Variants in CTNNA3 observed in about 807,000 individuals in gnomAD.
The protein encoded by CTNNA3 is catenin alpha-3.
In CTNNA3, 76 loss-of-function variants were observed where a neutral mutation model predicts 95.7. The observed-to-expected ratio is 0.79, with a 90% CI of 0.66 to 0.96. CTNNA3 has a LOEUF of 0.96. Ranked by LOEUF, CTNNA3 falls within the 40% of genes least tolerant of loss-of-function variation. The probability of loss-of-function intolerance (pLI) is 0.00; values close to 1 mark genes in which losing one functional copy is unlikely to be tolerated. For synonymous variants in CTNNA3, 431 were observed against 374.4 expected (o/e 1.15, Z -1.74); for missense variants, 1,191 against 1,089.8 (o/e 1.09, Z -1.31).
intron 7 of CTNNA3, among the ~76,000 whole-genome samples, chr10:67,146,406 G>A (rs1284796280): frequency 2.0e-5 from 3 of 152,104 alleles, no homozygotes; most frequent in Non-Finnish European, 4.4e-5. Flanking sequence ...TCAAATATGA[G>A]CATACTCGTA....
intron 5 of CTNNA3, among the ~76,000 whole-genome samples, chr10:67,509,348 C>T (rs1161132159): frequency 6.6e-6 from 1 of 152,072 alleles, no homozygotes; most frequent in Admixed American, 6.5e-5. Context: ...CCCAGCCCTC[C>T]ACCCACCGAC....
intron 7 of CTNNA3, among the ~76,000 whole-genome samples, chr10:67,159,009 C>T (rs956067877): frequency 7.2e-5 from 11 of 152,278 alleles, no homozygotes; most frequent in African/African-American, 2.6e-4. Context: ...CAAAGACAGG[C>T]AGCCCAGAGC....
intron 13 of CTNNA3, among the ~76,000 whole-genome samples, chr10:66,228,754 G>A (rs1007486556): frequency 2.6e-5 from 4 of 152,074 alleles, no homozygotes; most frequent in Non-Finnish European, 4.4e-5. Context: ...TGAAGTCCCC[G>A]ACTATTTGTA....
rs917387750 is a variant in CTNNA3, at chr10:65,917,802, T to G, written c.*2528A>C. 3 of 72,588 alleles carry G rather than the reference T, an allele frequency of 4.1e-5. No individual in the cohort carries two copies. The highest frequency in any genetic ancestry group is 1.0e-4 in the Non-Finnish European group (3 of 29,836). The allele number at this position is 72,588 out of a possible 1,614,324, so 4.5% of individuals were successfully genotyped here. On this transcript the variant is annotated 3_prime_UTR_variant, in exon 18 of 18. Coordinates refer to ENST00000433211, the MANE Select transcript of CTNNA3 (RefSeq NM_013266.4). ...AATATAAATGTGTCATGCTGATTAG[T>G]TTTTAACATAATGGGGAGATTTATT...
At chr10:66,029,766 T>C (rs1181667533) in intron 15 of CTNNA3, among the ~76,000 whole-genome samples, 1 of 152,202 alleles carries the variant, frequency 6.6e-6, no homozygotes, top group Non-Finnish European at 1.5e-5. Flanking sequence ...CAGTGCCTGA[T>C]ACATAGAAGG....
intron 7 of CTNNA3, among the ~76,000 whole-genome samples, chr10:66,868,119 G>T (rs1384601789): frequency 6.6e-6 from 1 of 150,558 alleles, no homozygotes; most frequent in South Asian, 2.1e-4. Flanking sequence ...CACTTTGGGA[G>T]GCTGAGACAG....
At chr10:66,895,340 T>C (rs963411669) in intron 7 of CTNNA3, among the ~76,000 whole-genome samples, 6 of 152,232 alleles carry the variant, frequency 3.9e-5, no homozygotes, top group Admixed American at 6.5e-5. Context: ...CCGTCAAACA[T>C]TGGGTATCAA....
intron 10 of CTNNA3, among the ~76,000 whole-genome samples, chr10:66,605,148 A>G (rs543436177): frequency 6.6e-6 from 1 of 152,174 alleles, no homozygotes; most frequent in South Asian, 2.1e-4. Flanking sequence ...ACACTACAAG[A>G]ATTTCATAAT....
At chr10:66,595,451 C>A (rs978408695) in intron 10 of CTNNA3, among the ~76,000 whole-genome samples, 3 of 151,990 alleles carry the variant, frequency 2.0e-5, no homozygotes, top group East Asian at 3.9e-4. Flanking sequence ...TCCAGCAATT[C>A]TCCTGCCTCA....
At chr10:67,360,252 T>C (rs1165206409) in intron 5 of CTNNA3, among the ~76,000 whole-genome samples, 1 of 151,930 alleles carries the variant, frequency 6.6e-6, no homozygotes, top group Non-Finnish European at 1.5e-5. Flanking sequence ...CATAAAAACA[T>C]ATGTAAGTAC....
At chr10:67,372,759 C>T (rs915616289) in intron 5 of CTNNA3, among the ~76,000 whole-genome samples, 9 of 152,194 alleles carry the variant, frequency 5.9e-5, no homozygotes, top group Non-Finnish European at 1.3e-4. Context: ...GGAAGCCCAT[C>T]AGACTAACAG....
intron 1 of CTNNA3, among the ~76,000 whole-genome samples, chr10:67,749,788 CA>C (rs1419314086): frequency 2.0e-5 from 3 of 151,960 alleles, no homozygotes; most frequent in African/African-American, 7.3e-5. Context: ...CAAAGGCTAG[CA>C]AAAGACAAGA....
At chr10:66,240,089 A>C (rs2090039151) in intron 13 of CTNNA3, among the ~76,000 whole-genome samples, 1 of 151,874 alleles carries the variant, frequency 6.6e-6, no homozygotes, top group African/African-American at 2.4e-5. Flanking sequence ...TGTAACTTAT[A>C]TTTTTGTATT....
chr10:66,899,531 C>A (rs900877073), intron 7 of CTNNA3, among the ~76,000 whole-genome samples: 1 of 152,116 alleles, frequency 6.6e-6, no homozygotes, highest in Admixed American at 6.5e-5. Context: ...GGAGGGTGAG[C>A]CAAAGTAGGG....
chr10:67,240,698 G>A (rs978674172), intron 5 of CTNNA3, among the ~76,000 whole-genome samples: 6 of 152,108 alleles, frequency 3.9e-5, no homozygotes, highest in Non-Finnish European at 5.9e-5. Context: ...CCCAAGGTGT[G>A]CATTCTGGGC....
intron 10 of CTNNA3, among the ~76,000 whole-genome samples, chr10:66,566,151 T>C (rs1237870139): frequency 6.6e-6 from 1 of 152,148 alleles, no homozygotes; most frequent in Non-Finnish European, 1.5e-5. Context: ...GACTGGTAAC[T>C]AAGAGTAGAG....
intron 7 of CTNNA3, among the ~76,000 whole-genome samples, chr10:66,840,214 GA>G (rs1843002855): frequency 6.6e-6 from 1 of 151,964 alleles, no homozygotes; most frequent in African/African-American, 2.4e-5. Context: ...GAATTAGATG[GA>G]ATATTTTTTC....
chr10:66,764,489 A>G (rs941742080), intron 9 of CTNNA3, among the ~76,000 whole-genome samples: 1 of 152,240 alleles, frequency 6.6e-6, no homozygotes, highest in Non-Finnish European at 1.5e-5. Context: ...AGCTATAGAT[A>G]GTACTTATTT....
chr10:67,358,393 A>T (rs1211454336), intron 5 of CTNNA3, among the ~76,000 whole-genome samples: 1 of 152,142 alleles, frequency 6.6e-6, no homozygotes, highest in Non-Finnish European at 1.5e-5. Context: ...CAAGGAAAAA[A>T]CAAAATATGG....
Sources: gnomAD v4.1 joint callset for allele counts (sites outside exome capture counted in the v4.1 genomes callset) on GRCh38, gnomAD v4.1.1 for gene constraint, MANE v1.5 for transcripts, NCBI Gene and HGNC (gene_info 2026-07-23, HGNC 2026-07-21) for gene names.